DCLK1: variants seen among roughly 807,000 people sequenced by gnomAD.
DCLK1 encodes the protein doublecortin like kinase 1, also known as serine/threonine-protein kinase DCLK1.
DCLK1 carries 16 observed loss-of-function variants against 86.2 expected under a neutral mutation model. That is an observed-to-expected ratio of 0.19 (90% CI 0.13 to 0.28). The LOEUF (loss-of-function observed/expected upper bound fraction) is 0.28. DCLK1 is among the 10% of genes least tolerant of loss of function. The pLI, the probability that DCLK1 is intolerant of heterozygous loss-of-function variation, is 1.00. For missense variants in DCLK1, 590 were observed against 940.2 expected, an observed-to-expected ratio of 0.63 and a Z score of 4.87; for synonymous variants, 369 against 370.5, an observed-to-expected ratio of 1.00 and a Z score of 0.05.
At chr13:35,928,062 G>A in intron 4 of DCLK1, among the ~76,000 whole-genome samples, 1 of 152,222 alleles carries the variant, frequency 6.6e-6, no homozygotes, top group East Asian at 1.9e-4. Flanking sequence ...TAATGAAACT[G>A]TAATCATAAA....
chr13:35,810,917 G>C lies in DCLK1; in HGVS notation c.1606C>G (p.Leu536Val). The stretch of plus-strand genomic sequence containing the variant: ...AGGGGGCCGTCTACAATGGTGGCCA[G>C]TCCAAAGTCACCCAGCTTCAGTGAT... ...SKSLKLGDFG[L>V]ATIVDGPLYT... is the part of the protein sequence containing the mutation. Residue 536 changes from leucine (L) to valine (V), a missense_variant, in exon 12 of 17, where the codon CTG (leucine) becomes GTG (valine). Physicochemically the swap from Leu to Val is conservative, Grantham distance 32. Coordinates refer to ENST00000360631, the MANE Select transcript of DCLK1 (RefSeq NM_001330071.2). The C allele has an allele frequency of 6.2e-7, 1 of 1,614,046 alleles. No individual in the cohort carries two copies. The highest frequency in any genetic ancestry group is 8.5e-7 in the Non-Finnish European group (1 of 1,179,958).
At chr13:35,836,284 C>A in intron 7 of DCLK1, 143 bp from the exon 8 acceptor site, 1 of 665,222 alleles carries the variant, frequency 1.5e-6, no homozygotes, top group Non-Finnish European at 2.5e-6. Context: ...CAACTGCCTC[C>A]CCACCCTTGC....
intron 8 of DCLK1, among the ~76,000 whole-genome samples, chr13:35,829,427 T>C (rs542076326): frequency 2.0e-5 from 3 of 152,150 alleles, no homozygotes; most frequent in Non-Finnish European, 2.9e-5. Flanking sequence ...GTGGATCCAA[T>C]GGACACAAAT....
At chr13:35,885,501 G>C (rs1268630199) in intron 4 of DCLK1, among the ~76,000 whole-genome samples, 2 of 152,170 alleles carry the variant, frequency 1.3e-5, no homozygotes, top group Non-Finnish European at 2.9e-5. Flanking sequence ...ATTTGAAAGG[G>C]GATCAAGTAA....
At chr13:35,901,883 G>A (rs1409120961) in intron 4 of DCLK1, among the ~76,000 whole-genome samples, 2 of 147,698 alleles carry the variant, frequency 1.4e-5, no homozygotes, top group Non-Finnish European at 3.0e-5. Context: ...TTATTATGCA[G>A]AGCAAATTTT....
chr13:35,994,718 T>TGC (rs543774597), intron 3 of DCLK1, among the ~76,000 whole-genome samples: 56 of 152,350 alleles, frequency 3.7e-4, no homozygotes, highest in Middle Eastern at 6.8e-3. Flanking sequence ...ATTTTGGCAG[T>TGC]GCTCGGGCTC....
intron 5 of DCLK1, among the ~76,000 whole-genome samples, chr13:35,864,654 CTT>C (rs759910103): frequency 4.0e-4 from 45 of 112,550 alleles, no homozygotes; most frequent in African/African-American, 1.1e-3. Context: ...TTTCTTCTCT[CTT>C]TTTTTTTTTT....
chr13:35,973,983 T>C (rs1879196064), intron 3 of DCLK1, among the ~76,000 whole-genome samples: 1 of 152,098 alleles, frequency 6.6e-6, no homozygotes. Context: ...GTAAGTTGAA[T>C]AAGTTTATGC....
At chr13:35,796,146 C>T (rs913014597) in intron 15 of DCLK1, among the ~76,000 whole-genome samples, 1 of 152,078 alleles carries the variant, frequency 6.6e-6, no homozygotes, top group African/African-American at 2.4e-5. Flanking sequence ...TGAAAGGGGC[C>T]ACCTTGGGTG....
chr13:36,110,091 A>C (rs922865288), intron 3 of DCLK1, among the ~76,000 whole-genome samples: 1 of 152,220 alleles, frequency 6.6e-6, no homozygotes, highest in Non-Finnish European at 1.5e-5. Flanking sequence ...CTTTATAAAA[A>C]TATTTATTTG....
At chr13:35,887,699 T>C (rs1196923564) in intron 4 of DCLK1, among the ~76,000 whole-genome samples, 1 of 151,966 alleles carries the variant, frequency 6.6e-6, no homozygotes, top group East Asian at 1.9e-4. Flanking sequence ...CATAATTTAA[T>C]CACCTATGTC....
intron 4 of DCLK1, among the ~76,000 whole-genome samples, chr13:35,917,933 G>T (rs1327452861): frequency 2.0e-5 from 3 of 152,140 alleles, no homozygotes; most frequent in Non-Finnish European, 4.4e-5. Context: ...GCAGCCACGG[G>T]CAAGGGCAGA....
At chr13:35,988,402 CT>C (rs1880048896) in intron 3 of DCLK1, among the ~76,000 whole-genome samples, 2 of 152,232 alleles carry the variant, frequency 1.3e-5, no homozygotes, top group Admixed American at 6.5e-5. Flanking sequence ...AGCCCTCCCC[CT>C]GTGATGCAAG....
At position 35,883,053 on chromosome 13, in the gene DCLK1, C is replaced by A. The variant is rs543106003; in HGVS notation, c.824-11713G>T. ...GCTCTGAACACAGGAAGAAGTCAGC[C>A]GTGGATACACTGAAGGAAACAGAGG... is the stretch of plus-strand genomic sequence containing the variant. On this transcript the variant is annotated intron_variant, in intron 4 of 16. Transcript: ENST00000360631. Among the ~76,000 whole-genome samples the A allele has an allele frequency of 1.1e-4, 16 of 151,996 alleles. No individual in the cohort carries two copies. The South Asian group carries it at 2.1e-3, about 20-fold the overall frequency.
At chr13:36,074,298 CG>C (rs1884087398) in intron 3 of DCLK1, among the ~76,000 whole-genome samples, 1 of 151,654 alleles carries the variant, frequency 6.6e-6, no homozygotes. Context: ...GTCAGGAGAT[CG>C]AGACCTTCCC....
At chr13:36,076,088 A>G (rs1397549033) in intron 3 of DCLK1, among the ~76,000 whole-genome samples, 4 of 152,130 alleles carry the variant, frequency 2.6e-5, no homozygotes, top group Non-Finnish European at 4.4e-5. Context: ...TCTTATTCTC[A>G]TCATGCTTTA....
chr13:35,801,971 T>C (rs2086928837), intron 15 of DCLK1, among the ~76,000 whole-genome samples: 7 of 152,158 alleles, frequency 4.6e-5, no homozygotes, highest in Admixed American at 4.6e-4. Context: ...CTGTCAGATA[T>C]CTTCTTCCCA....
intron 3 of DCLK1, among the ~76,000 whole-genome samples, chr13:36,050,165 T>C (rs1336666172): frequency 1.3e-5 from 2 of 152,326 alleles, no homozygotes; most frequent in East Asian, 1.9e-4. Context: ...AATAATACTT[T>C]AACATATAAC....
At chr13:35,782,408 C>T (rs2086543936) in intron 16 of DCLK1, among the ~76,000 whole-genome samples, 1 of 152,116 alleles carries the variant, frequency 6.6e-6, no homozygotes, top group South Asian at 2.1e-4. Context: ...TATCAGTAAA[C>T]TAAACATGAA....
Sources: gnomAD v4.1 joint callset for allele counts (sites outside exome capture counted in the v4.1 genomes callset) on GRCh38, gnomAD v4.1.1 for gene constraint, MANE v1.5 for transcripts, NCBI Gene and HGNC (gene_info 2026-07-23, HGNC 2026-07-21) for gene names.